The following MARK3 variants were observed in gnomAD, a reference collection of about 807,000 sequenced individuals.
MARK3 encodes the protein microtubule affinity regulating kinase 3.
Under a neutral mutation model 90.1 loss-of-function variants are expected in MARK3, and 46 were observed. That is an observed-to-expected ratio of 0.51 (90% CI 0.40 to 0.65). MARK3 has a LOEUF of 0.65. Among genes scored for constraint, MARK3 ranks in the 30% least tolerant of loss-of-function variants. The pLI, the probability that MARK3 is intolerant of heterozygous loss-of-function variation, is 0.00. For missense variants in MARK3, 818 were observed against 947.2 expected (o/e 0.86, Z 1.79); for synonymous variants, 321 against 332.6 (o/e 0.97, Z 0.38).
chr14:103,486,850 G>A (rs2093938493), intron 14 of MARK3, among the ~76,000 whole-genome samples: 1 of 152,008 alleles, frequency 6.6e-6, no homozygotes, highest in Non-Finnish European at 1.5e-5. Context: ...ATGTGACATG[G>A]ATTAAATTTC....
At chr14:103,422,275 G>A (rs1321449138) in intron 2 of MARK3, among the ~76,000 whole-genome samples, 5 of 152,304 alleles carry the variant, frequency 3.3e-5, no homozygotes, top group South Asian at 2.1e-4. Context: ...GACCAATATG[G>A]TGAAACCCTG....
At chr14:103,482,796 G>A (rs1421075720) in intron 14 of MARK3, among the ~76,000 whole-genome samples, 1 of 151,918 alleles carries the variant, frequency 6.6e-6, no homozygotes, top group Admixed American at 6.6e-5. Flanking sequence ...AATTTCTTTG[G>A]CAATATTTCC....
intron 2 of MARK3, among the ~76,000 whole-genome samples, chr14:103,421,093 A>T (rs2092200044): frequency 6.6e-6 from 1 of 152,098 alleles, no homozygotes. Flanking sequence ...TTTTCCTTGC[A>T]CTGCACATGG....
At chr14:103,442,948 C>G (rs929633655) in intron 3 of MARK3, among the ~76,000 whole-genome samples, 7 of 150,702 alleles carry the variant, frequency 4.6e-5, no homozygotes, top group South Asian at 2.1e-4. Context: ...GGTGTCCCCC[C>G]CCCTCCCACC....
chr14:103,417,983 C>A (rs918451494), intron 2 of MARK3, among the ~76,000 whole-genome samples: 1 of 152,056 alleles, frequency 6.6e-6, no homozygotes. Flanking sequence ...GCAGGAAAAT[C>A]TCTTGAACCC....
In MARK3 at chr14:103,385,813, C is replaced by T. The variant is rs574623870; in HGVS notation, c.-217C>T. ...ACTGCCGCCCTCCCGGTCTCCTCGC[C>T]TCGGCCGCCGAGGCAGGGAGAGAAT... is the stretch of plus-strand genomic sequence containing the variant. On this transcript the variant is annotated 5_prime_UTR_variant, in exon 1 of 18. Coordinates refer to ENST00000429436, the MANE Select transcript of MARK3 (RefSeq NM_001128918.3). 4.5e-6 allele frequency: 2 copies of T among 440,636 alleles called. No homozygotes were observed. The highest frequency in any genetic ancestry group is 8.0e-6 in the Non-Finnish European group (2 of 251,012). The allele number at this position is 440,636 out of a possible 1,614,324, so 27.3% of individuals were successfully genotyped here.
intron 13 of MARK3, among the ~76,000 whole-genome samples, chr14:103,476,232 C>T (rs1329759002): frequency 6.6e-6 from 1 of 152,156 alleles, no homozygotes; most frequent in African/African-American, 2.4e-5. Flanking sequence ...TGAATGAAAA[C>T]AGTGACAGTG....
Position 103,462,525 on chromosome 14 carries a change from A to G in MARK3, c.540+64A>G, listed in dbSNP as rs1177883534. On this transcript the variant is annotated intron_variant, in intron 7 of 17. Coordinates refer to ENST00000429436, the MANE Select transcript of MARK3 (RefSeq NM_001128918.3). ...TTTGTGTGCAGTTCTCTCAGTGGTC[A>G]TTACACAAATGAGGTATAGATTAGC... 35 of 1,229,356 alleles carry G rather than the reference A, an allele frequency of 2.8e-5. No homozygotes were observed. The Admixed American group carries it at 5.7e-4, about 20-fold the overall frequency. 76.2% of individuals were successfully genotyped at this position (1,229,356 alleles called of 1,614,324 possible).
chr14:103,492,543 A>G (rs2094035167), intron 15 of MARK3, among the ~76,000 whole-genome samples: 1 of 152,244 alleles, frequency 6.6e-6, no homozygotes. Context: ...ATTTATATTG[A>G]GAGCAAGGTA....
Position 103,503,393 on chromosome 14 carries a change from C to T in MARK3, c.*166C>T, listed in dbSNP as rs866892985. 2.3e-5 allele frequency: 15 copies of T among 649,798 alleles called. No individual in the cohort carries two copies. Among genetic ancestry groups the T allele is most frequent in the East Asian group, 2.8e-5 (1 of 36,146 alleles). 40.3% of individuals were successfully genotyped at this position (649,798 alleles called of 1,614,324 possible). A position where few individuals can be genotyped will look rare whatever the true frequency, so the allele number is the denominator to read the frequency against. On this transcript the variant is annotated 3_prime_UTR_variant, in exon 18 of 18. Coordinates refer to ENST00000429436, the MANE Select transcript of MARK3 (RefSeq NM_001128918.3). Reference sequence around the variant, plus strand: ...GGAGCGAAAGCTGGCCTTTTTTCTACGAATGCACTACATTAAAGATGTGCA... The same window carrying T: ...GGAGCGAAAGCTGGCCTTTTTTCTATGAATGCACTACATTAAAGATGTGCA...
At chr14:103,427,677 T>G (rs2092456142) in intron 2 of MARK3, among the ~76,000 whole-genome samples, 1 of 152,072 alleles carries the variant, frequency 6.6e-6, no homozygotes. Flanking sequence ...CCCTCCCCTT[T>G]TAGGGGACTA....
chr14:103,424,057 A>G (rs537579745), intron 2 of MARK3, among the ~76,000 whole-genome samples: 2 of 152,094 alleles, frequency 1.3e-5, no homozygotes, highest in South Asian at 4.2e-4. Flanking sequence ...AAAATACAAA[A>G]ATTAGCTGGG....
chr14:103,404,390 G>A (rs2091151203), intron 1 of MARK3, among the ~76,000 whole-genome samples: 1 of 152,164 alleles, frequency 6.6e-6, no homozygotes, highest in Non-Finnish European at 1.5e-5. Context: ...GGGGGCCAAG[G>A]GAGCAGTAGT....
intron 2 of MARK3, among the ~76,000 whole-genome samples, chr14:103,414,206 CTTTT>C (rs58495929): frequency 1.4e-5 from 2 of 140,632 alleles, no homozygotes; most frequent in African/African-American, 2.6e-5. Flanking sequence ...TCTTTTCTTT[CTTTT>C]TTTTTTTTTT....
At chr14:103,409,472 A>G (rs7147640) in intron 2 of MARK3, among the ~76,000 whole-genome samples, 1 of 140,458 alleles carries the variant, frequency 7.1e-6, no homozygotes, top group African/African-American at 2.7e-5. Context: ...AAAAGGAAAA[A>G]CTTTGAACAA....
At chr14:103,428,328 T>C in intron 2 of MARK3, 59 bp from the exon 3 acceptor site, 1 of 905,846 alleles carries the variant, frequency 1.1e-6, no homozygotes, top group Non-Finnish European at 1.7e-6. Context: ...TATCTTGGCA[T>C]TTATCAGTCC....
chr14:103,433,804 G>A (rs1164819550), intron 3 of MARK3, among the ~76,000 whole-genome samples: 1 of 152,174 alleles, frequency 6.6e-6, no homozygotes, highest in Non-Finnish European at 1.5e-5. Flanking sequence ...AATCTTAGCA[G>A]GGATTACTCC....
intron 5 of MARK3, among the ~76,000 whole-genome samples, chr14:103,456,828 CTT>C (rs1595764480): frequency 6.6e-6 from 1 of 152,204 alleles, no homozygotes; most frequent in South Asian, 2.1e-4. Flanking sequence ...ACACAAATAA[CTT>C]CATCCATTTT....
chr14:103,416,149 G>A (rs535520839), intron 2 of MARK3, among the ~76,000 whole-genome samples: 12 of 151,938 alleles, frequency 7.9e-5, no homozygotes, highest in Non-Finnish European at 1.5e-4. Context: ...ACTGCTAATT[G>A]GCCAAAATGT....
Sources: allele counts gnomAD v4.1 joint callset (sites outside exome capture counted in the v4.1 genomes callset), GRCh38; gene constraint gnomAD v4.1.1; transcripts MANE v1.5; gene names NCBI Gene and HGNC (gene_info 2026-07-23, HGNC 2026-07-21).